Variants in MAPK10 observed in about 807,000 individuals in gnomAD.
MAPK10 encodes JNK3 alpha protein kinase.
Under a neutral mutation model 59.3 loss-of-function variants are expected in MAPK10, and 25 were observed. The observed-to-expected ratio is 0.42, with a 90% CI of 0.31 to 0.59. The LOEUF (loss-of-function observed/expected upper bound fraction) is 0.59. MAPK10 is among the 20% of genes least tolerant of loss of function. MAPK10 has a pLI of 0.15. For missense variants in MAPK10, 351 were observed against 568.9 expected (o/e 0.62, Z 3.90); for synonymous variants, 190 against 200.5 (o/e 0.95, Z 0.44).
intron 2 of MAPK10, among the ~76,000 whole-genome samples, chr4:86,289,324 T>C (rs918723234): frequency 1.3e-5 from 2 of 152,102 alleles, no homozygotes; most frequent in African/African-American, 2.4e-5. Context: ...CTGGGTTTGC[T>C]TCTGAAGGAT....
At chr4:86,207,159 C>G (rs2084295295) in intron 2 of MAPK10, among the ~76,000 whole-genome samples, 1 of 151,150 alleles carries the variant, frequency 6.6e-6, no homozygotes, top group South Asian at 2.1e-4. Context: ...AGGTTTTCTT[C>G]TAGGGTTTTT....
chr4:86,588,638 A>T (rs1762802525), intron 1 of MAPK10, among the ~76,000 whole-genome samples: 1 of 152,182 alleles, frequency 6.6e-6, no homozygotes, highest in Non-Finnish European at 1.5e-5. Flanking sequence ...ATGTATATAA[A>T]TATATGTAGG....
chr4:86,181,987 C>T (rs944098774), intron 3 of MAPK10, among the ~76,000 whole-genome samples: 2 of 151,996 alleles, frequency 1.3e-5, no homozygotes, highest in Non-Finnish European at 2.9e-5. Context: ...TACCTCTGTT[C>T]AATTGAGAAA....
chr4:86,358,927 T>C (rs969045470), intron 1 of MAPK10: 2 of 152,258 alleles, frequency 1.3e-5, no homozygotes, highest in East Asian at 3.9e-4. Context: ...AGGAGATCAC[T>C]TTCTTAAAGG....
intron 9 of MAPK10, among the ~76,000 whole-genome samples, chr4:86,075,652 T>C (rs13104555): frequency 0.44 from 67,288 of 151,644 alleles, 15,504 homozygotes; most frequent in African/African-American, 0.56. Flanking sequence ...AATACCCTGC[T>C]GTGTGAGGTG....
chr4:86,359,288 C>CTCTCTG (rs796310826), intron 1 of MAPK10, among the ~76,000 whole-genome samples: 20 of 94,632 alleles, frequency 2.1e-4, no homozygotes, highest in African/African-American at 8.0e-4. Context: ...CTCTCTCTCT[C>CTCTCTG]TGTGTGTGTG....
At chr4:86,437,883 G>C (rs1217087203) in intron 1 of MAPK10, among the ~76,000 whole-genome samples, 1 of 152,148 alleles carries the variant, frequency 6.6e-6, no homozygotes, top group African/African-American at 2.4e-5. Flanking sequence ...ACTGTACTAT[G>C]CTCACTCAAT....
At chr4:86,234,002 G>A (rs570197096) in intron 2 of MAPK10, among the ~76,000 whole-genome samples, 56 of 152,272 alleles carry the variant, frequency 3.7e-4, no homozygotes, top group Non-Finnish European at 3.7e-4. Flanking sequence ...AAACCAAGAA[G>A]AATGTGTAAA....
intron 3 of MAPK10, chr4:86,160,657 TCTCACATAC>T (rs1403089324): frequency 2.7e-5 from 4 of 149,998 alleles, no homozygotes; most frequent in Non-Finnish European, 4.5e-5. Context: ...ATGAATAATT[TCTCACATAC>T]CTCACAACTT....
chr4:86,515,978 T>G (rs555335518), intron 1 of MAPK10, among the ~76,000 whole-genome samples: 92 of 152,282 alleles, frequency 6.0e-4, no homozygotes, highest in Non-Finnish European at 1.1e-3. Context: ...TAGAAGAATT[T>G]TTCCAATGTT....
At chr4:86,524,923 TG>T (rs907862396) in intron 1 of MAPK10, among the ~76,000 whole-genome samples, 44 of 152,092 alleles carry the variant, frequency 2.9e-4, no homozygotes, top group African/African-American at 1.0e-3. Flanking sequence ...CACTCAGGTT[TG>T]TGTTGTGGAG....
At chr4:86,397,355 T>G (rs538968091) in intron 1 of MAPK10, among the ~76,000 whole-genome samples, 5 of 152,174 alleles carry the variant, frequency 3.3e-5, no homozygotes, top group Admixed American at 1.3e-4. Flanking sequence ...GTGTTACAGA[T>G]AGATGGATAT....
chr4:86,303,574 G>T (rs536116965), intron 2 of MAPK10, among the ~76,000 whole-genome samples: 1 of 152,286 alleles, frequency 6.6e-6, no homozygotes, highest in Admixed American at 6.5e-5. Context: ...ACACTGTGAA[G>T]AAAAAGCTAA....
At chr4:86,372,573 GAAAA>G (rs1564749799) in intron 1 of MAPK10, among the ~76,000 whole-genome samples, 197 of 120,234 alleles carry the variant, frequency 1.6e-3, no homozygotes, top group Middle Eastern at 4.2e-3. Flanking sequence ...AGAAAGAAAA[GAAAA>G]GAAAAGAAAA....
At chr4:86,449,544 G>T (rs536678369) in intron 1 of MAPK10, among the ~76,000 whole-genome samples, 1 of 152,094 alleles carries the variant, frequency 6.6e-6, no homozygotes, top group Non-Finnish European at 1.5e-5. Flanking sequence ...TGTGATACAT[G>T]AACAGATGAT....
chr4:86,056,746 T>C (rs998697276), intron 11 of MAPK10, among the ~76,000 whole-genome samples: 2 of 149,866 alleles, frequency 1.3e-5, no homozygotes, highest in Admixed American at 6.6e-5. Context: ...GGTCAATAAA[T>C]TAATACATGA....
At chr4:86,257,756 C>G (rs1432383969) in intron 2 of MAPK10, among the ~76,000 whole-genome samples, 1 of 152,152 alleles carries the variant, frequency 6.6e-6, no homozygotes, top group Admixed American at 6.6e-5. Context: ...TGTTGAACCA[C>G]ATCCTCTTAT....
upstream of MAPK10, among the ~76,000 whole-genome samples, chr4:86,456,677 C>T (rs1344763942): frequency 6.6e-6 from 1 of 151,480 alleles, no homozygotes; most frequent in African/African-American, 2.4e-5. Flanking sequence ...AAATTACCAA[C>T]AAAAAAAAGT....
At chr4:86,102,146 T>C (rs2055538110) in intron 6 of MAPK10, 114 bp from the exon 7 acceptor site, 4 of 903,414 alleles carry the variant, frequency 4.4e-6, no homozygotes, top group Non-Finnish European at 7.1e-6. Flanking sequence ...TAGCTCTGCC[T>C]TTGACTTAAT....
Sources: gnomAD v4.1 joint callset for allele counts (sites outside exome capture counted in the v4.1 genomes callset) on GRCh38, gnomAD v4.1.1 for gene constraint, MANE v1.5 for transcripts, NCBI Gene and HGNC (gene_info 2026-07-23, HGNC 2026-07-21) for gene names.